Variants in SCARA3 observed in about 807,000 individuals in gnomAD.
SCARA3 encodes the protein scavenger receptor class A member 3.
A neutral mutation model predicts 47.0 loss-of-function variants in SCARA3; 39 were observed. The ratio of observed to expected loss-of-function variants is 0.83; its 90% CI spans 0.64 to 1.08. The LOEUF (loss-of-function observed/expected upper bound fraction) is 1.08, where lower values mean the gene tolerates loss of function less well. Ranked by LOEUF, SCARA3 falls within the 50% of genes least tolerant of loss-of-function variation. SCARA3 has a pLI of 0.00. For missense variants in SCARA3, 724 were observed against 792.3 expected (o/e 0.91, Z 1.04); for synonymous variants, 356 against 334.1 (o/e 1.07, Z -0.71).
At chr8:27,660,845 G>GCT (rs10700851) in intron 5 of SCARA3, among the ~76,000 whole-genome samples, 6,083 of 61,496 alleles carry the variant, frequency 0.099, 158 homozygotes, top group African/African-American at 0.11. Context: ...TAGCTAGCTA[G>GCT]ATAGATAGAT....
At chr8:27,654,088 AG>A (rs1801691593) in intron 3 of SCARA3, among the ~76,000 whole-genome samples, 1 of 152,204 alleles carries the variant, frequency 6.6e-6, no homozygotes, top group Non-Finnish European at 1.5e-5. Context: ...GCATCCCATC[AG>A]TAAAAAATTC....
intron 1 of SCARA3, among the ~76,000 whole-genome samples, chr8:27,647,105 A>G (rs1801519837): frequency 6.6e-6 from 1 of 151,612 alleles, no homozygotes; most frequent in African/African-American, 2.4e-5. Flanking sequence ...GGCATTAACA[A>G]CCTCACACCA....
chr8:27,644,095 T>G (rs1801441322), intron 1 of SCARA3, among the ~76,000 whole-genome samples: 1 of 152,090 alleles, frequency 6.6e-6, no homozygotes, highest in Non-Finnish European at 1.5e-5. Context: ...AAGGAATTTC[T>G]CCTCTTGTGG....
At chr8:27,700,796 A>G in the SCARA3 span, among the ~76,000 whole-genome samples, 1 of 152,188 alleles carries the variant, frequency 6.6e-6, no homozygotes, top group Non-Finnish European at 1.5e-5. Context: ...AAATGTTGTG[A>G]GGATGTGGAG....
At chr8:27,720,067 G>T in the SCARA3 span, among the ~76,000 whole-genome samples, 1 of 152,130 alleles carries the variant, frequency 6.6e-6, no homozygotes, top group Admixed American at 6.5e-5. Flanking sequence ...CAGGTCAGAG[G>T]ATGGGGAGGG....
At chr8:27,700,496 A>G in the SCARA3 span, among the ~76,000 whole-genome samples, 9 of 152,116 alleles carry the variant, frequency 5.9e-5, no homozygotes, top group African/African-American at 2.2e-4. Flanking sequence ...AGTCCCAGCT[A>G]CTTGGAAGGG....
chr8:27,718,359 G>A, the SCARA3 span, among the ~76,000 whole-genome samples: 3,096 of 152,336 alleles, frequency 0.02, 106 homozygotes, highest in African/African-American at 0.069. Flanking sequence ...CAGGTGTCTC[G>A]TGAACATTTG....
chr8:27,674,754 G>C (rs1480201683), downstream of SCARA3, among the ~76,000 whole-genome samples: 2 of 135,486 alleles, frequency 1.5e-5, no homozygotes, highest in East Asian at 4.4e-4. Flanking sequence ...TTTTGAGATG[G>C]AGTCTTGCTC....
intron 5 of SCARA3, among the ~76,000 whole-genome samples, chr8:27,662,285 A>C (rs1000491854): frequency 1.1e-4 from 17 of 152,262 alleles, no homozygotes; most frequent in Non-Finnish European, 1.5e-5. Flanking sequence ...CAGAGCATAT[A>C]CAGCCTCCTG....
At chr8:27,710,357 C>A in the SCARA3 span, among the ~76,000 whole-genome samples, 4 of 151,544 alleles carry the variant, frequency 2.6e-5, no homozygotes, top group Non-Finnish European at 5.9e-5. Context: ...TTGAAAATAA[C>A]AACAATATTG....
chr8:27,708,435 A>G, the SCARA3 span, among the ~76,000 whole-genome samples: 1 of 152,216 alleles, frequency 6.6e-6, no homozygotes, highest in African/African-American at 2.4e-5. Flanking sequence ...AATAAAAAAT[A>G]GTGATTCAAC....
At chr8:27,644,563 C>CTGCCAAA (rs1201931787) in intron 1 of SCARA3, among the ~76,000 whole-genome samples, 5 of 152,026 alleles carry the variant, frequency 3.3e-5, no homozygotes, top group African/African-American at 4.8e-5. Context: ...CTTCCAAGCC[C>CTGCCAAA]ATCCGCTCCT....
the SCARA3 span, among the ~76,000 whole-genome samples, chr8:27,699,904 A>G: frequency 1.3e-5 from 2 of 152,256 alleles, no homozygotes; most frequent in African/African-American, 4.8e-5. Flanking sequence ...ATAGATTTAC[A>G]CATATATATC....
At chr8:27,703,807 G>C in the SCARA3 span, 2 of 132,038 alleles carry the variant, frequency 1.5e-5, no homozygotes, top group Non-Finnish European at 3.2e-5. Flanking sequence ...GTGGTTTTGT[G>C]TGTGGTTTTT....
chr8:27,662,929 TCCCCTGCTGGGGTCACCCTTTGGTGAGG>T, intron 5 of SCARA3, among the ~76,000 whole-genome samples: 1 of 152,244 alleles, frequency 6.6e-6, no homozygotes. Flanking sequence ...TATTAAATCC[TCCCCTGCTGGGGTCACCCTTTGGTGAGG>T]ATTCACATAG....
chr8:27,661,406 T>C (rs1180285297), intron 5 of SCARA3, among the ~76,000 whole-genome samples: 1 of 152,230 alleles, frequency 6.6e-6, no homozygotes, highest in Non-Finnish European at 1.5e-5. Context: ...ATTCTTTTGC[T>C]TATACCCTGT....
At chr8:27,716,766 A>C in the SCARA3 span, among the ~76,000 whole-genome samples, 2 of 152,244 alleles carry the variant, frequency 1.3e-5, no homozygotes, top group Non-Finnish European at 2.9e-5. Flanking sequence ...ACATAGTCTC[A>C]AAGTATCACC....
chr8:27,726,796 T>C, the SCARA3 span, among the ~76,000 whole-genome samples: 1 of 152,198 alleles, frequency 6.6e-6, no homozygotes, highest in African/African-American at 2.4e-5. Flanking sequence ...TTTATTTATT[T>C]ATTTTTTGAG....
At chr8:27,674,441 C>T (rs937832369), downstream of SCARA3, among the ~76,000 whole-genome samples, 1 of 152,174 alleles carries the variant, frequency 6.6e-6, no homozygotes, top group African/African-American at 2.4e-5. Flanking sequence ...GTTTCGTCAT[C>T]AGAAAACAGA....
Sources: gnomAD v4.1 joint callset for allele counts (sites outside exome capture counted in the v4.1 genomes callset) on GRCh38, gnomAD v4.1.1 for gene constraint, MANE v1.5 for transcripts, NCBI Gene and HGNC (gene_info 2026-07-23, HGNC 2026-07-21) for gene names.